GABRQ: variants seen among roughly 807,000 people sequenced by gnomAD.
The protein encoded by GABRQ is gamma-aminobutyric acid type A receptor subunit theta, also known as gamma-aminobutyric acid receptor subunit theta.
GABRQ carries 19 observed loss-of-function variants against 30.5 expected under a neutral mutation model. The observed-to-expected ratio is 0.62, with a 90% CI of 0.43 to 0.91. The LOEUF (loss-of-function observed/expected upper bound fraction) is 0.91. Among genes scored for constraint, GABRQ ranks in the 40% least tolerant of loss-of-function variants. The pLI, the probability that GABRQ is intolerant of heterozygous loss-of-function variation, is 0.00. For missense variants in GABRQ, 520 were observed against 521.4 expected (o/e 1.00, Z 0.03); for synonymous variants, 187 against 210.2 (o/e 0.89, Z 0.95).
In GABRQ at chrX:152,637,960, G is replaced by A. The variant is rs2124903102; in HGVS notation, c.-243G>A. 8.8e-6 allele frequency among the ~76,000 whole-genome samples: 1 copy of A among 113,431 alleles called. No homozygotes were observed. The highest frequency in any genetic ancestry group is 3.2e-5 in the African/African-American group (1 of 31,347). ...AGCTGCCGGGCGGGCCCTGGGGGGA[G>A]CTGCGTCCAGCAGAGCTGCTGGGTG... On this transcript the variant is annotated 5_prime_UTR_variant, in exon 1 of 9. Transcript: ENST00000598523.
Position 152,639,825 on chromosome X carries a change from TGA to T in GABRQ, c.150-552_150-551del, listed in dbSNP as rs782403151. ...AAACAGAGTTGTGCAGAAACAAGGT[TGA>T]CATAAAAGTGACTAAAAAATGCCCA... is the stretch of plus-strand genomic sequence containing the variant. On this transcript the variant is annotated intron_variant, in intron 1 of 8. Coordinates refer to ENST00000598523, the MANE Select transcript of GABRQ (RefSeq NM_018558.4). Among the ~76,000 whole-genome samples the T allele has an allele frequency of 1.3e-4, 14 of 111,606 alleles. No individual in the cohort carries two copies. The South Asian group carries it at 5.4e-3, about 43-fold the overall frequency.
intron 3 of GABRQ, among the ~76,000 whole-genome samples, chrX:152,646,433 C>T (rs1465025833): frequency 3.6e-5 from 4 of 112,160 alleles, no homozygotes; most frequent in South Asian, 3.7e-4. Context: ...GTGGTATATT[C>T]GTATATTATC....
Position 152,647,138 on chromosome X carries a change from AC to A in GABRQ, c.500del (p.Pro167GlnfsTer35). The A allele has an allele frequency of 1.7e-6, 2 of 1,207,644 alleles. No homozygotes were observed. Among genetic ancestry groups the A allele is most frequent in the Non-Finnish European group, 2.2e-6 (2 of 891,798 alleles). ...GTGGAGAATCGCGTGTTTCAGCTTCACCCAGATGGAACGGTGCGGTACGGCA... is the reference window on the plus strand; with the variant it reads ...GTGGAGAATCGCGTGTTTCAGCTTCACCAGATGGAACGGTGCGGTACGGCA... ...VTVENRVFQL[H>X]PDGTVRYGIR... On this transcript the variant is annotated frameshift_variant, in exon 4 of 9. Transcript: ENST00000598523. LOFTEE classifies it high-confidence loss of function.
chrX:152,652,964 C>T lies in GABRQ; in HGVS notation c.1582C>T (p.Gln528Ter). The change falls in exon 9 of 9, where the codon CAA (glutamine) becomes TAA (stop). Residue 528 changes from glutamine (Q) to a stop codon, truncating the protein, a stop_gained. Coordinates refer to ENST00000598523, the MANE Select transcript of GABRQ (RefSeq NM_018558.4). LOFTEE classifies it low-confidence loss of function (END_TRUNC). ...GCTTCACCATGGCGAGAAGGGTGTG[C>T]AAGAAGCAGGCTGGGACCTTGATGA... ...PMLHHGEKGV[Q>*]EAGWDLDDNN... 8.3e-7 allele frequency: 1 copy of T among 1,210,707 alleles called. No homozygotes were observed. Among genetic ancestry groups the T allele is most frequent in the Admixed American group, 2.2e-5 (1 of 46,139 alleles).
At chrX:152,652,094 C>T (rs1307472794) in intron 8 of GABRQ, among the ~76,000 whole-genome samples, 1 of 112,763 alleles carries the variant, frequency 8.9e-6, no homozygotes, top group Non-Finnish European at 1.9e-5. Flanking sequence ...AAGATGGGCG[C>T]AGGGAGACTG....
At position 152,655,229 on chromosome X, in the gene GABRQ, C is replaced by T. The variant is rs1192201223; in HGVS notation, c.*1948C>T. The stretch of plus-strand genomic sequence containing the variant: ...GGCCTGCTCCCATATGGTGGAGGGG[C>T]CCTATTTGGCCGGGCTGCTTAACTG... On this transcript the variant is annotated 3_prime_UTR_variant, in exon 9 of 9. Coordinates refer to ENST00000598523, the MANE Select transcript of GABRQ (RefSeq NM_018558.4). 3.6e-5 allele frequency: 4 copies of T among 112,193 alleles called. No homozygotes were observed. Among genetic ancestry groups the T allele is most frequent in the Non-Finnish European group, 7.5e-5 (4 of 53,223 alleles). The allele number at this position is 112,193 out of a possible 1,213,427, so 9.2% of individuals were successfully genotyped here.
chrX:152,652,835 C>T lies in GABRQ; in HGVS notation c.1453C>T (p.Arg485Cys), dbSNP rs782431029. Residue 485 changes from arginine to cysteine, a missense_variant, in exon 9 of 9, where the codon CGT (arginine) becomes TGT (cysteine). Transcript: ENST00000598523. ...DSIIPTEIRN[R>C]VEAHGHGVTH... ...TATTATTCCTACCGAAATCCGCAAC[C>T]GTGTCGAAGCCCATGGCCATGGTGT... 13 of 1,208,797 alleles carry T rather than the reference C, an allele frequency of 1.1e-5. No individual in the cohort carries two copies. The highest frequency in any genetic ancestry group is 3.5e-5 in the African/African-American group (2 of 57,282).
intron 2 of GABRQ, 28 bp from the exon 3 acceptor site, chrX:152,645,499 C>T (rs374323478): frequency 1.7e-4 from 165 of 946,582 alleles, no homozygotes; most frequent in Non-Finnish European, 2.4e-4. Context: ...TTCTACCTTT[C>T]GTGTAACTGT....
At position 152,649,792 on chromosome X, in the gene GABRQ, G is replaced by A. The variant is rs1556819829; in HGVS notation, c.661G>A (p.Ala221Thr). ...IILFWDDNGN[A>T]IHMTEELHIP... Reference sequence around the variant, plus strand: ...ATTATTCTGGGATGACAATGGGAACGCCATCCACATGACTGAGGAGCTGCA... The same window carrying A: ...ATTATTCTGGGATGACAATGGGAACACCATCCACATGACTGAGGAGCTGCA... The change falls in exon 6 of 9, where the codon GCC (alanine) becomes ACC (threonine). Residue 221 changes from alanine to threonine, a missense_variant. By Grantham distance (58) the Ala-to-Thr change is moderately conservative (BLOSUM62 0). Transcript: ENST00000598523. 3.4e-6 allele frequency: 4 copies of A among 1,171,005 alleles called. No individual in the cohort carries two copies. The highest frequency in any genetic ancestry group is 3.0e-5 in the East Asian group (1 of 33,621).
rs782486010 is a variant in GABRQ at position 152,651,715 on chromosome X, G to A, written c.1091G>A (p.Arg364Gln). ...CGAGGACCTCGGCGCCAGCCTAGGCGACACAGGAGACCCCGAAGAGTCATT... is the reference window on the plus strand; with the variant it reads ...CGAGGACCTCGGCGCCAGCCTAGGCAACACAGGAGACCCCGAAGAGTCATT... Reference protein sequence around the residue: ...YSRGPRRQPRRHRRPRRVIAR... With the variant: ...YSRGPRRQPRQHRRPRRVIAR... Residue 364 changes from arginine to glutamine, a missense_variant, in exon 8 of 9, where the codon CGA becomes CAA. Transcript: ENST00000598523. The A allele has an allele frequency of 3.4e-5, 41 of 1,208,189 alleles. No individual in the cohort carries two copies. Among genetic ancestry groups the A allele is most frequent in the South Asian group, 5.3e-5 (3 of 56,739 alleles).
chrX:152,641,668 T>C (rs1930761595), intron 2 of GABRQ, among the ~76,000 whole-genome samples: 1 of 112,006 alleles, frequency 8.9e-6, no homozygotes, highest in African/African-American at 3.2e-5. Flanking sequence ...GAAGCCAGGG[T>C]AGACAGGCCA....
chrX:152,648,142 C>T (rs1031594905), intron 4 of GABRQ, among the ~76,000 whole-genome samples: 2 of 111,194 alleles, frequency 1.8e-5, no homozygotes, highest in Admixed American at 9.5e-5. Context: ...CACGTGCACG[C>T]GCACACCATA....
In GABRQ at chrX:152,637,930, C is replaced by G. The variant is rs1383282343; in HGVS notation, c.-273C>G. On this transcript the variant is annotated 5_prime_UTR_variant, in exon 1 of 9. Transcript: ENST00000598523. ...AGGAGCGGCCGCAGACGGAGCGCAC[C>G]TCGCAGCTGCCGGGCGGGCCCTGGG... Among the ~76,000 whole-genome samples, 2 of 113,475 alleles carry G rather than the reference C, an allele frequency of 1.8e-5. No homozygotes were observed. The highest frequency in any genetic ancestry group is 1.8e-4 in the Admixed American group (2 of 10,900).
In GABRQ at chrX:152,656,834, A is replaced by G. The variant is rs2124921862; in HGVS notation, c.*3553A>G. 8.9e-6 allele frequency: 1 copy of G among 112,233 alleles called. No homozygotes were observed. The highest frequency in any genetic ancestry group is 1.9e-5 in the Non-Finnish European group (1 of 53,286). 9.2% of individuals were successfully genotyped at this position (112,233 alleles called of 1,213,427 possible). A position where few individuals can be genotyped will look rare whatever the true frequency, so the allele number is the denominator to read the frequency against. ...AACTTTCTAGCTATTCCATAGCCCA[A>G]CATCAAAGGAAATCGTGACTCGTCC... On this transcript the variant is annotated 3_prime_UTR_variant, in exon 9 of 9. Transcript: ENST00000598523.
Position 152,647,082 on chromosome X carries a change from C to T in GABRQ, c.441C>T (p.Asn147=). 1 of 1,210,283 alleles carries T rather than the reference C, an allele frequency of 8.3e-7. No homozygotes were observed. The highest frequency in any genetic ancestry group is 1.8e-5 in the South Asian group (1 of 56,935). Residue 147 remains asparagine, a synonymous_variant, in exon 4 of 9, where the codon AAC becomes AAT. Coordinates refer to ENST00000598523, the MANE Select transcript of GABRQ (RefSeq NM_018558.4). ...KLWVPDCYFL[N]SKDAFVHDVT... is the part of the protein sequence containing the mutation. ...GGGTCCCTGACTGCTACTTTCTGAACAGCAAGGATGCTTTCGTGCATGATG... is the reference window on the plus strand; with the variant it reads ...GGGTCCCTGACTGCTACTTTCTGAATAGCAAGGATGCTTTCGTGCATGATG...
chrX:152,639,573 C>A (rs1287379915), intron 1 of GABRQ, among the ~76,000 whole-genome samples: 1 of 111,898 alleles, frequency 8.9e-6, no homozygotes, highest in Non-Finnish European at 1.9e-5. Context: ...GAAAAGCCAG[C>A]TCTCCACAGA....
At chrX:152,646,058 A>G (rs1930880745) in intron 3 of GABRQ, among the ~76,000 whole-genome samples, 1 of 112,965 alleles carries the variant, frequency 8.9e-6, no homozygotes, top group Admixed American at 9.4e-5. Context: ...TGAAGGACAT[A>G]TTCAAAATAT....
chrX:152,642,776 G>C (rs1478487437), intron 2 of GABRQ, among the ~76,000 whole-genome samples: 2 of 111,702 alleles, frequency 1.8e-5, no homozygotes, highest in African/African-American at 6.5e-5. Flanking sequence ...CATGGTATTT[G>C]GACTCCTTAT....
chrX:152,651,401 A>G, intron 7 of GABRQ, 125 bp from the exon 8 acceptor site: 1 of 521,777 alleles, frequency 1.9e-6, no homozygotes, highest in Non-Finnish European at 3.3e-6. Context: ...AAAAGGAATA[A>G]AGAGAGAGCC....
Sources: allele counts gnomAD v4.1 joint callset (sites outside exome capture counted in the v4.1 genomes callset), GRCh38; gene constraint gnomAD v4.1.1; transcripts MANE v1.5; gene names NCBI Gene and HGNC (gene_info 2026-07-23, HGNC 2026-07-21).